RBFOX1: variants seen among roughly 807,000 people sequenced by gnomAD.
RBFOX1 encodes RNA binding fox-1 homolog 1, also known as RNA binding protein fox-1 homolog 1.
RBFOX1 carries 8 observed loss-of-function variants against 57.7 expected under a neutral mutation model. The ratio of observed to expected loss-of-function variants is 0.14; its 90% CI spans 0.08 to 0.25. The LOEUF is 0.25. RBFOX1 is among the 10% of genes least tolerant of loss of function. The probability of loss-of-function intolerance (pLI) is 1.00; values close to 1 mark genes in which losing one functional copy is unlikely to be tolerated. For synonymous variants in RBFOX1, 326 were observed against 222.4 expected, an observed-to-expected ratio of 1.47 and a Z score of -4.15; for missense variants, 611 against 548.5, an observed-to-expected ratio of 1.11 and a Z score of -1.14.
At chr16:5,941,203 G>C (rs2059270610) in intron 4 of RBFOX1, among the ~76,000 whole-genome samples, 2 of 152,118 alleles carry the variant, frequency 1.3e-5, no homozygotes, top group South Asian at 4.2e-4. Flanking sequence ...AAAAAGTAAA[G>C]AAGGGCCCAG....
intron 5 of RBFOX1, among the ~76,000 whole-genome samples, chr16:7,560,699 A>G (rs1231888478): frequency 6.6e-6 from 1 of 152,132 alleles, no homozygotes; most frequent in Admixed American, 6.6e-5. Context: ...GTCACACAGC[A>G]TCATGTCTAC....
At chr16:6,906,443 G>A (rs150072482) in intron 3 of RBFOX1, among the ~76,000 whole-genome samples, 201 of 152,138 alleles carry the variant, frequency 1.3e-3, no homozygotes, top group African/African-American at 4.7e-3. Context: ...TCTGGCCTGT[G>A]GAAATGCGAC....
intron 1 of RBFOX1, among the ~76,000 whole-genome samples, chr16:5,313,762 C>A (rs2064155522): frequency 6.6e-6 from 1 of 152,258 alleles, no homozygotes; most frequent in Non-Finnish European, 1.5e-5. Context: ...AAGACTGGCC[C>A]CCATGATTCA....
intron 3 of RBFOX1, among the ~76,000 whole-genome samples, chr16:5,642,900 T>C (rs965100466): frequency 1.3e-5 from 2 of 152,160 alleles, no homozygotes; most frequent in Non-Finnish European, 2.9e-5. Context: ...AAAGCTAGGC[T>C]CCTTGCCTTT....
At chr16:7,543,877 C>A (rs576296959) in intron 5 of RBFOX1, among the ~76,000 whole-genome samples, 8 of 111,074 alleles carry the variant, frequency 7.2e-5, no homozygotes, top group Admixed American at 4.5e-4. Flanking sequence ...CGCACCACCA[C>A]GCCCAGCTAA....
intron 4 of RBFOX1, among the ~76,000 whole-genome samples, chr16:7,383,572 A>G (rs2097822633): frequency 6.6e-6 from 1 of 152,224 alleles, no homozygotes; most frequent in East Asian, 1.9e-4. Context: ...TGACCTCCTT[A>G]TTATCCATTT....
chr16:6,953,395 G>GT (rs199737599), intron 3 of RBFOX1, among the ~76,000 whole-genome samples: 22,385 of 150,696 alleles, frequency 0.15, 1,990 homozygotes, highest in Non-Finnish European at 0.19. Context: ...TGTTGTTATT[G>GT]TTTTTTTTTG....
At chr16:6,496,758 G>A (rs188434332) in intron 2 of RBFOX1, among the ~76,000 whole-genome samples, 63 of 152,190 alleles carry the variant, frequency 4.1e-4, no homozygotes, top group Admixed American at 9.2e-4. Context: ...TCAGGAGTTC[G>A]AGACCAGCCT....
intron 1 of RBFOX1, among the ~76,000 whole-genome samples, chr16:6,177,134 G>C (rs977718197): frequency 2.0e-5 from 3 of 151,092 alleles, no homozygotes; most frequent in African/African-American, 7.3e-5. Flanking sequence ...TGCCAAGTGT[G>C]GATTTCCTTT....
At chr16:6,771,340 GT>G (rs1441434721) in intron 3 of RBFOX1, among the ~76,000 whole-genome samples, 2 of 152,152 alleles carry the variant, frequency 1.3e-5, no homozygotes, top group African/African-American at 4.8e-5. Context: ...TCAAGTCTAT[GT>G]TGGTATCTTC....
chr16:6,054,230 A>G (rs1443508278), intron 1 of RBFOX1, among the ~76,000 whole-genome samples: 2 of 152,168 alleles, frequency 1.3e-5, no homozygotes, highest in South Asian at 2.1e-4. Flanking sequence ...ATTAGGAAAC[A>G]TAATATAATA....
intron 2 of RBFOX1, among the ~76,000 whole-genome samples, chr16:6,404,338 C>T (rs1336775496): frequency 6.6e-6 from 1 of 152,094 alleles, no homozygotes; most frequent in Non-Finnish European, 1.5e-5. Context: ...ACTTGAGCAT[C>T]TGTGGATTTT....
chr16:5,360,256 G>T (rs796204838), intron 1 of RBFOX1, among the ~76,000 whole-genome samples: 6 of 152,358 alleles, frequency 3.9e-5, no homozygotes, highest in African/African-American at 1.4e-4. Flanking sequence ...TGGGAAGGCT[G>T]GAGGGCGAGG....
intron 1 of RBFOX1, among the ~76,000 whole-genome samples, chr16:5,464,075 C>T (rs1240931667): frequency 6.6e-6 from 1 of 152,162 alleles, no homozygotes; most frequent in Non-Finnish European, 1.5e-5. Flanking sequence ...GCCAGGGCTT[C>T]AGGCTCAATG....
chr16:6,707,494 T>G (rs2062968925), intron 3 of RBFOX1, among the ~76,000 whole-genome samples: 1 of 150,050 alleles, frequency 6.7e-6, no homozygotes, highest in African/African-American at 2.5e-5. Flanking sequence ...TTTTTTTTTT[T>G]GCTGTTGTAA....
chr16:6,638,627 T>G (rs1413055845), intron 2 of RBFOX1, among the ~76,000 whole-genome samples: 4 of 152,160 alleles, frequency 2.6e-5, no homozygotes, highest in East Asian at 1.9e-4. Context: ...TTGAACAAAT[T>G]TTTTACACTA....
chr16:6,982,293 A>G (rs1400623040), intron 3 of RBFOX1, among the ~76,000 whole-genome samples: 1 of 152,154 alleles, frequency 6.6e-6, no homozygotes, highest in Non-Finnish European at 1.5e-5. Flanking sequence ...ATTGACCTAC[A>G]TTATTCCATT....
chr16:6,692,949 T>A (rs1419971472), intron 3 of RBFOX1, among the ~76,000 whole-genome samples: 3 of 150,642 alleles, frequency 2.0e-5, no homozygotes, highest in East Asian at 4.0e-4. Context: ...ATCAACATCA[T>A]CCCCATCCAC....
At chr16:5,784,157 C>T (rs1460567257) in intron 3 of RBFOX1, among the ~76,000 whole-genome samples, 1 of 152,094 alleles carries the variant, frequency 6.6e-6, no homozygotes, top group African/African-American at 2.4e-5. Context: ...CGCGGTGGCT[C>T]ACGCCTATAA....
Sources: gnomAD v4.1 joint callset for allele counts (sites outside exome capture counted in the v4.1 genomes callset) on GRCh38, gnomAD v4.1.1 for gene constraint, MANE v1.5 for transcripts, NCBI Gene and HGNC (gene_info 2026-07-23, HGNC 2026-07-21) for gene names.